Variants in NUDT9 observed in about 807,000 individuals in gnomAD.
NUDT9 encodes nudix hydrolase 9, also known as ADP-ribose pyrophosphatase.
NUDT9 carries 31 observed loss-of-function variants against 41.0 expected under a neutral mutation model. That is an observed-to-expected ratio of 0.76 (90% CI 0.57 to 1.02). The LOEUF is 1.02. Ranked by LOEUF, NUDT9 falls within the 50% of genes least tolerant of loss-of-function variation. The pLI, the probability that NUDT9 is intolerant of heterozygous loss-of-function variation, is 0.00. For synonymous variants in NUDT9, 146 were observed against 147.6 expected (o/e 0.99, Z 0.08); for missense variants, 380 against 431.4 (o/e 0.88, Z 1.06).
At chr4:87,434,544 T>C in intron 1 of NUDT9, 1 of 152,870 alleles carries the variant, frequency 6.5e-6, no homozygotes. Context: ...ACCTTTAGAC[T>C]AATATGCATC....
intron 1 of NUDT9, chr4:87,434,407 A>T (rs1721815627): frequency 7.1e-6 from 1 of 141,730 alleles, no homozygotes; most frequent in East Asian, 2.2e-4. Context: ...GATAACACAC[A>T]AGTAAGTTTG....
chr4:87,453,837 C>G (rs918601057), intron 6 of NUDT9, among the ~76,000 whole-genome samples: 2 of 150,338 alleles, frequency 1.3e-5, no homozygotes, highest in Non-Finnish European at 3.0e-5. Flanking sequence ...ATTTACATTT[C>G]TTTCTTTTTT....
chr4:87,452,465 A>T (rs1722773888), intron 6 of NUDT9, among the ~76,000 whole-genome samples: 1 of 150,414 alleles, frequency 6.6e-6, no homozygotes, highest in Non-Finnish European at 1.5e-5. Context: ...TTGTCCATAT[A>T]CCCTCTGTGA....
At position 87,458,116 on chromosome 4, in the gene NUDT9, G is replaced by T; in HGVS notation, c.*95G>T. The T allele has an allele frequency of 8.9e-7, 1 of 1,119,804 alleles. No homozygotes were observed. The highest frequency in any genetic ancestry group is 1.2e-6 in the Non-Finnish European group (1 of 841,338). 69.4% of individuals were successfully genotyped at this position (1,119,804 alleles called of 1,614,324 possible). A position where few individuals can be genotyped will look rare whatever the true frequency, so the allele number is the denominator to read the frequency against. On this transcript the variant is annotated 3_prime_UTR_variant, in exon 8 of 8. Transcript: ENST00000302174. ...TTTATACTATAAAAAGGGCAGGGTA[G>T]GCCACTTGGCCTATTTACTTTCAAA... is the stretch of plus-strand genomic sequence containing the variant.
At chr4:87,430,792 T>C (rs1026373885) in intron 1 of NUDT9, among the ~76,000 whole-genome samples, 4 of 152,158 alleles carry the variant, frequency 2.6e-5, no homozygotes, top group Non-Finnish European at 5.9e-5. Context: ...GTTTTGTTGT[T>C]GTTGTGTGTA....
At chr4:87,441,690 C>T in intron 3 of NUDT9, 139 bp from the exon 4 acceptor site, 2 of 718,472 alleles carry the variant, frequency 2.8e-6, no homozygotes, top group Non-Finnish European at 5.0e-6. Flanking sequence ...GACTTCAGCA[C>T]CAGATATGTG....
At chr4:87,453,824 G>T in intron 6 of NUDT9, among the ~76,000 whole-genome samples, 1 of 150,672 alleles carries the variant, frequency 6.6e-6, no homozygotes, top group South Asian at 2.1e-4. Flanking sequence ...AAAGTTTTAT[G>T]ATATTTACAT....
At position 87,451,570 on chromosome 4, in the gene NUDT9, T is replaced by G; in HGVS notation, c.643-19T>G. On this transcript the variant is annotated intron_variant, in intron 5 of 7. Transcript: ENST00000302174. ...TCAAAGCTGATCCCTTTTTTCAAAA[T>G]TTTTAATGTGACTCTTAGGGGATGG... is the stretch of plus-strand genomic sequence containing the variant. The G allele has an allele frequency of 6.3e-7, 1 of 1,598,664 alleles. No individual in the cohort carries two copies. Among genetic ancestry groups the G allele is most frequent in the Non-Finnish European group, 8.5e-7 (1 of 1,174,978 alleles).
chr4:87,451,583 T>A lies in NUDT9; in HGVS notation c.643-6T>A. On this transcript the variant is annotated splice_polypyrimidine_tract_variant and splice_region_variant and intron_variant, in intron 5 of 7. Coordinates refer to ENST00000302174, the MANE Select transcript of NUDT9 (RefSeq NM_024047.5). ...CTTTTTTCAAAATTTTTAATGTGAC[T>A]CTTAGGGGATGGTGGATCCAGGAGA... 6.2e-7 allele frequency: 1 copy of A among 1,609,602 alleles called. No individual in the cohort carries two copies. Among genetic ancestry groups the A allele is most frequent in the Non-Finnish European group, 8.5e-7 (1 of 1,178,694 alleles).
At chr4:87,450,436 A>T (rs1722661776) in intron 5 of NUDT9, among the ~76,000 whole-genome samples, 1 of 137,872 alleles carries the variant, frequency 7.3e-6, no homozygotes. Flanking sequence ...CTGGAGTGCA[A>T]TGGCATGATC....
At chr4:87,454,908 G>GA (rs1402751861) in intron 7 of NUDT9, among the ~76,000 whole-genome samples, 3 of 152,048 alleles carry the variant, frequency 2.0e-5, no homozygotes, top group Non-Finnish European at 2.9e-5. Context: ...TCCAAGTACT[G>GA]AAAAAATTTT....
In NUDT9 at chr4:87,443,340, CAT is replaced by C. The variant is rs529145795; in HGVS notation, c.530+1427_530+1428del. Among the ~76,000 whole-genome samples the C allele has an allele frequency of 4.6e-5, 7 of 152,174 alleles. No homozygotes were observed. In the South Asian group the frequency reaches 1.5e-3, roughly 32 times the overall value. ...ATTTTAAAGAGACTTTATATAAAAT[CAT>C]AGTGATGCGATGTAAGTATAAAGCT... On this transcript the variant is annotated intron_variant, in intron 4 of 7. Coordinates refer to ENST00000302174, the MANE Select transcript of NUDT9 (RefSeq NM_024047.5).
At chr4:87,444,790 C>T (rs1266827842) in intron 4 of NUDT9, among the ~76,000 whole-genome samples, 2 of 152,184 alleles carry the variant, frequency 1.3e-5, no homozygotes, top group East Asian at 3.9e-4. Flanking sequence ...TTTAGCTTAA[C>T]TTTGTCATAC....
chr4:87,424,277 T>TTTTTG (rs869110675), intron 1 of NUDT9, among the ~76,000 whole-genome samples: 1 of 114,242 alleles, frequency 8.8e-6, no homozygotes, highest in Admixed American at 9.4e-5. Context: ...TTTTTTTTTT[T>TTTTTG]GAGAAGGAGT....
chr4:87,455,793 C>T (rs1206546427), intron 7 of NUDT9, among the ~76,000 whole-genome samples: 1 of 151,728 alleles, frequency 6.6e-6, no homozygotes, highest in East Asian at 1.9e-4. Context: ...TCTCAAGTAG[C>T]TGGTACTACA....
At chr4:87,437,531 A>G (rs140205161) in intron 2 of NUDT9, among the ~76,000 whole-genome samples, 1,885 of 151,296 alleles carry the variant, frequency 0.012, 33 homozygotes, top group South Asian at 0.02. Context: ...TTTAGTAGAG[A>G]TGGGGTTCCA....
intron 3 of NUDT9, 138 bp downstream of exon 3, chr4:87,438,510 A>G (rs1442314173): frequency 2.1e-6 from 1 of 481,168 alleles, no homozygotes; most frequent in Non-Finnish European, 3.8e-6. Flanking sequence ...AATCTGCACA[A>G]TAACCCTGTT....
intron 4 of NUDT9, among the ~76,000 whole-genome samples, chr4:87,448,778 T>C (rs563800143): frequency 6.6e-6 from 1 of 152,310 alleles, no homozygotes; most frequent in African/African-American, 2.4e-5. Flanking sequence ...CTACCAGTAA[T>C]TTTTAAAAGG....
At chr4:87,427,483 C>G (rs1721484946) in intron 1 of NUDT9, among the ~76,000 whole-genome samples, 1 of 152,118 alleles carries the variant, frequency 6.6e-6, no homozygotes, top group Admixed American at 6.5e-5. Flanking sequence ...TACAGTGTAT[C>G]ACATTTAAAT....
Sources: gnomAD v4.1 joint callset for allele counts (sites outside exome capture counted in the v4.1 genomes callset) on GRCh38, gnomAD v4.1.1 for gene constraint, MANE v1.5 for transcripts, NCBI Gene and HGNC (gene_info 2026-07-23, HGNC 2026-07-21) for gene names.